Variants in ST8SIA6 observed in about 807,000 individuals in gnomAD.
ST8SIA6 encodes the protein ST8 alpha-N-acetyl-neuraminide alpha-2,8-sialyltransferase 6.
Under a neutral mutation model 33.6 loss-of-function variants are expected in ST8SIA6, and 39 were observed. The observed-to-expected ratio is 1.16, with a 90% confidence interval of 0.90 to 1.52. ST8SIA6 has a LOEUF of 1.52. ST8SIA6 is among the 40% of genes most tolerant of loss of function. ST8SIA6 has a pLI of 0.00. For missense variants in ST8SIA6, 441 were observed against 443.8 expected (o/e 0.99, Z 0.06); for synonymous variants, 172 against 167.2 (o/e 1.03, Z -0.22).
At chr10:17,448,869 C>G (rs1232202947) in intron 2 of ST8SIA6, among the ~76,000 whole-genome samples, 1 of 149,320 alleles carries the variant, frequency 6.7e-6, no homozygotes, top group African/African-American at 2.5e-5. Context: ...ATCCACCCAT[C>G]TCGGCCTCCA....
intron 4 of ST8SIA6, 71 bp from the exon 5 acceptor site, chr10:17,331,623 A>G: frequency 6.9e-7 from 1 of 1,447,886 alleles, no homozygotes; most frequent in South Asian, 1.5e-5. Context: ...ACCACGATGG[A>G]CAATGCCGAA....
chr10:17,399,795 G>T (rs888073714), intron 2 of ST8SIA6, among the ~76,000 whole-genome samples: 1 of 151,848 alleles, frequency 6.6e-6, no homozygotes, highest in South Asian at 2.1e-4. Flanking sequence ...GTGTGTGCCT[G>T]TGGTCCCAGC....
intron 2 of ST8SIA6, among the ~76,000 whole-genome samples, chr10:17,441,294 T>A (rs1472810483): frequency 6.8e-6 from 1 of 147,024 alleles, no homozygotes; most frequent in Non-Finnish European, 1.5e-5. Context: ...AAGGTAAGCA[T>A]CTAAATTATC....
intron 4 of ST8SIA6, among the ~76,000 whole-genome samples, chr10:17,337,157 C>G (rs12765380): frequency 2.0e-5 from 3 of 151,522 alleles, no homozygotes; most frequent in Non-Finnish European, 4.4e-5. Flanking sequence ...TCTCTCTCTT[C>G]CTCCGGCCGT....
At chr10:17,395,413 C>T (rs1850770477) in intron 2 of ST8SIA6, among the ~76,000 whole-genome samples, 1 of 152,034 alleles carries the variant, frequency 6.6e-6, no homozygotes, top group South Asian at 2.1e-4. Flanking sequence ...GAAGTCTGAG[C>T]AGTTGAGTCT....
chr10:17,391,874 A>T (rs1303991383), intron 2 of ST8SIA6, among the ~76,000 whole-genome samples: 1 of 152,210 alleles, frequency 6.6e-6, no homozygotes, highest in Non-Finnish European at 1.5e-5. Flanking sequence ...TGCTTACCTC[A>T]TAGTGTTATT....
At chr10:17,418,937 G>A (rs555085364) in intron 2 of ST8SIA6, among the ~76,000 whole-genome samples, 23 of 146,510 alleles carry the variant, frequency 1.6e-4, no homozygotes, top group Non-Finnish European at 2.8e-4. Flanking sequence ...AGGTTGCAGT[G>A]AGCGGAGATC....
intron 2 of ST8SIA6, among the ~76,000 whole-genome samples, chr10:17,448,911 C>T (rs546567967): frequency 3.3e-5 from 5 of 150,568 alleles, no homozygotes; most frequent in South Asian, 2.1e-4. Context: ...TGAGCCATTG[C>T]GCCCGGCCGG....
At chr10:17,402,001 C>T (rs1033647155) in intron 2 of ST8SIA6, among the ~76,000 whole-genome samples, 1 of 152,124 alleles carries the variant, frequency 6.6e-6, no homozygotes, top group Non-Finnish European at 1.5e-5. Flanking sequence ...AGGCAACCTA[C>T]AGAATGGGAG....
chr10:17,434,644 G>C (rs1400748632), intron 2 of ST8SIA6, among the ~76,000 whole-genome samples: 1 of 152,060 alleles, frequency 6.6e-6, no homozygotes, highest in African/African-American at 2.4e-5. Flanking sequence ...CTTATTCCCT[G>C]GACCTTCCTG....
At chr10:17,381,468 T>C (rs531088424) in intron 3 of ST8SIA6, among the ~76,000 whole-genome samples, 1 of 135,058 alleles carries the variant, frequency 7.4e-6, no homozygotes, top group South Asian at 2.3e-4. Context: ...GAGCTCTAAT[T>C]AATTGGCTTT....
At chr10:17,377,914 C>A (rs976714645) in intron 3 of ST8SIA6, among the ~76,000 whole-genome samples, 3 of 152,176 alleles carry the variant, frequency 2.0e-5, no homozygotes, top group Non-Finnish European at 4.4e-5. Context: ...TTATGGAACA[C>A]ACAACCCCTG....
At chr10:17,335,006 A>G (rs1848458473) in intron 4 of ST8SIA6, among the ~76,000 whole-genome samples, 1 of 152,232 alleles carries the variant, frequency 6.6e-6, no homozygotes, top group Non-Finnish European at 1.5e-5. Flanking sequence ...TTTAATGTAA[A>G]TCTATTTTCC....
rs534916664 is a variant in ST8SIA6 at position 17,381,614 on chromosome 10, A to C, written c.290+8917T>G. On this transcript the variant is annotated intron_variant, in intron 3 of 7. Coordinates refer to ENST00000377602, the MANE Select transcript of ST8SIA6 (RefSeq NM_001004470.3). ...AAGTAATATTATAAGTGTCTTAAGA[A>C]TTGCCAGCACACATTTTTGTTTGCA... 2.3e-3 allele frequency among the ~76,000 whole-genome samples: 351 copies of C among 152,342 alleles called. 2 individuals carry two copies. The highest frequency in any genetic ancestry group is 8.2e-3 in the African/African-American group (341 of 41,588).
intron 2 of ST8SIA6, among the ~76,000 whole-genome samples, chr10:17,406,887 C>T (rs1047913426): frequency 9.9e-5 from 15 of 151,700 alleles, no homozygotes; most frequent in African/African-American, 1.9e-4. Flanking sequence ...CTCCGCCTCC[C>T]GTGTTCAAGT....
At chr10:17,338,591 G>C (rs139316324) in intron 4 of ST8SIA6, among the ~76,000 whole-genome samples, 61 of 152,256 alleles carry the variant, frequency 4.0e-4, no homozygotes, top group African/African-American at 1.3e-3. Context: ...AACCTACCTA[G>C]ACTCAATTCA....
intron 3 of ST8SIA6, among the ~76,000 whole-genome samples, chr10:17,383,784 T>C (rs1410573595): frequency 6.6e-6 from 1 of 152,236 alleles, no homozygotes; most frequent in East Asian, 1.9e-4. Context: ...ATTAACTGCA[T>C]GGACTAAACC....
intron 2 of ST8SIA6, among the ~76,000 whole-genome samples, chr10:17,415,156 C>T (rs1038804149): frequency 6.6e-6 from 1 of 152,116 alleles, no homozygotes; most frequent in Non-Finnish European, 1.5e-5. Context: ...TTACTGCTTC[C>T]CCTTCCTCAA....
At chr10:17,420,893 A>G (rs537461351) in intron 2 of ST8SIA6, among the ~76,000 whole-genome samples, 90 of 152,212 alleles carry the variant, frequency 5.9e-4, no homozygotes, top group Non-Finnish European at 1.2e-3. Flanking sequence ...AAGCTGGCAC[A>G]TCTTCTAACA....
Sources: gnomAD v4.1 joint callset for allele counts (sites outside exome capture counted in the v4.1 genomes callset) on GRCh38, gnomAD v4.1.1 for gene constraint, MANE v1.5 for transcripts, NCBI Gene and HGNC (gene_info 2026-07-23, HGNC 2026-07-21) for gene names.